The following ACVR1 variants were observed in gnomAD, a reference collection of about 807,000 sequenced individuals.
The protein encoded by ACVR1 is activin A receptor type 1, also known as activin receptor type-1.
Under a neutral mutation model 57.1 loss-of-function variants are expected in ACVR1, and 38 were observed. The observed-to-expected ratio is 0.67, with a 90% CI of 0.51 to 0.87. The LOEUF is 0.87. Among genes scored for constraint, ACVR1 ranks in the 40% least tolerant of loss-of-function variants. ACVR1 has a pLI of 0.00. For synonymous variants in ACVR1, 212 were observed against 228.1 expected, an observed-to-expected ratio of 0.93 and a Z score of 0.63; for missense variants, 463 against 638.2, an observed-to-expected ratio of 0.73 and a Z score of 2.96.
At chr2:157,855,269 AGTGTGTGTGTG>A (rs1689472013) in intron 1 of ACVR1, among the ~76,000 whole-genome samples, 3 of 85,184 alleles carry the variant, frequency 3.5e-5, no homozygotes, top group Non-Finnish European at 2.0e-5. Flanking sequence ...AAAAAAAAAA[AGTGTGTGTGTG>A]TGTGTGTGTG....
At chr2:157,824,437 C>T (rs939811837) in intron 1 of ACVR1, among the ~76,000 whole-genome samples, 1 of 152,168 alleles carries the variant, frequency 6.6e-6, no homozygotes, top group Non-Finnish European at 1.5e-5. Context: ...CACTGCACTC[C>T]AGCCTGGGCA....
intron 2 of ACVR1, among the ~76,000 whole-genome samples, chr2:157,816,993 T>C (rs1472387181): frequency 6.6e-6 from 1 of 152,158 alleles, no homozygotes; most frequent in Non-Finnish European, 1.5e-5. Context: ...AAGGTCTTGT[T>C]CTGTTGCCCA....
intron 9 of ACVR1, among the ~76,000 whole-genome samples, chr2:157,759,314 C>T (rs1025117163): frequency 7.2e-5 from 11 of 152,058 alleles, no homozygotes; most frequent in African/African-American, 2.6e-4. Flanking sequence ...GACATTACAG[C>T]TGATACCACA....
chr2:157,824,100 C>T (rs1389269155), intron 1 of ACVR1, among the ~76,000 whole-genome samples: 3 of 152,124 alleles, frequency 2.0e-5, no homozygotes, highest in African/African-American at 7.2e-5. Flanking sequence ...AGAGAAGTGA[C>T]GATTACCAGG....
chr2:157,832,558 C>A (rs926450761), intron 1 of ACVR1, among the ~76,000 whole-genome samples: 1 of 152,138 alleles, frequency 6.6e-6, no homozygotes, highest in African/African-American at 2.4e-5. Flanking sequence ...ACATAAATCT[C>A]TGGACTCTTT....
intron 1 of ACVR1, among the ~76,000 whole-genome samples, chr2:157,865,800 A>AG: frequency 6.8e-6 from 1 of 146,572 alleles, no homozygotes; most frequent in East Asian, 2.0e-4. Context: ...CATCTCAAAA[A>AG]AAAAAAAAAG....
At chr2:157,757,006 G>GATATATATATATTTGATATAT (rs1183819389) in intron 9 of ACVR1, among the ~76,000 whole-genome samples, 6 of 129,586 alleles carry the variant, frequency 4.6e-5, no homozygotes, top group African/African-American at 1.6e-4. Flanking sequence ...ATATATTTGA[G>GATATATATATATTTGATATAT]ATATATATAT....
At chr2:157,825,882 A>G (rs778741850) in intron 1 of ACVR1, among the ~76,000 whole-genome samples, 1 of 152,184 alleles carries the variant, frequency 6.6e-6, no homozygotes, top group Non-Finnish European at 1.5e-5. Context: ...CATTCCCCCA[A>G]CACACGACTC....
At chr2:157,759,265 G>A (rs1011923631) in intron 9 of ACVR1, among the ~76,000 whole-genome samples, 2 of 151,896 alleles carry the variant, frequency 1.3e-5, no homozygotes, top group Admixed American at 1.3e-4. Flanking sequence ...GAAACAAGGA[G>A]AGAAGACTCA....
intron 10 of ACVR1, 148 bp from the exon 11 acceptor site, chr2:157,737,813 T>C (rs1283329133): frequency 8.9e-7 from 1 of 1,126,472 alleles, no homozygotes; most frequent in Admixed American, 1.8e-5. Context: ...CAAGCAAATA[T>C]TCAACCTTTA....
intron 3 of ACVR1, among the ~76,000 whole-genome samples, chr2:157,785,351 G>C (rs544729243): frequency 1.3e-5 from 2 of 152,198 alleles, no homozygotes; most frequent in Non-Finnish European, 2.9e-5. Context: ...GCTTATATGA[G>C]GTTTATAGAT....
chr2:157,776,218 A>G (rs1319655488), intron 5 of ACVR1, among the ~76,000 whole-genome samples: 2 of 152,248 alleles, frequency 1.3e-5, no homozygotes, highest in African/African-American at 2.4e-5. Context: ...CTATTTTGGC[A>G]TATGCTCCAT....
At chr2:157,775,505 A>C (rs1230436999) in intron 5 of ACVR1, among the ~76,000 whole-genome samples, 9 of 152,218 alleles carry the variant, frequency 5.9e-5, no homozygotes, top group Non-Finnish European at 7.3e-5. Context: ...GATTTGTGTG[A>C]ATTTCATCTT....
In ACVR1 at chr2:157,780,528, T is replaced by C; in HGVS notation, c.140A>G (p.His47Arg). 2 of 1,613,856 alleles carry C rather than the reference T, an allele frequency of 1.2e-6. No homozygotes were observed. Among genetic ancestry groups the C allele is most frequent in the African/African-American group, 2.7e-5 (2 of 74,882 alleles). Residue 47 changes from histidine (H) to arginine (R), a missense_variant, in exon 4 of 11, where the codon CAC (histidine) becomes CGC (arginine). Around this residue, in one of 3 missense-constraint regions of ACVR1, gnomAD observed 203 missense variants for 235.5 expected, o/e 0.86. Coordinates refer to ENST00000434821, the MANE Select transcript of ACVR1 (RefSeq NM_001111067.4). ...GGAAAAGCACTGCTGGCCTTCACAG[T>C]GGTCCTCATTACCGCAGGAGAGACC... ...CEGLSCGNED[H>R]CEGQQCFSSL...
intron 2 of ACVR1, among the ~76,000 whole-genome samples, chr2:157,802,431 G>A (rs767537684): frequency 3.3e-5 from 5 of 152,094 alleles, no homozygotes; most frequent in African/African-American, 4.8e-5. Context: ...AGGTCAGAAC[G>A]GAGGTAAGGC....
chr2:157,802,876 G>A (rs1392765927), intron 2 of ACVR1, among the ~76,000 whole-genome samples: 1 of 152,058 alleles, frequency 6.6e-6, no homozygotes, highest in Non-Finnish European at 1.5e-5. Context: ...AGCCAAGTAG[G>A]TGCACATTTA....
chr2:157,788,862 C>T (rs1686809471), intron 3 of ACVR1, among the ~76,000 whole-genome samples: 1 of 152,010 alleles, frequency 6.6e-6, no homozygotes, highest in Non-Finnish European at 1.5e-5. Context: ...CTTCCCTATC[C>T]TCCAATTTCC....
At chr2:157,855,321 T>C (rs372891700) in intron 1 of ACVR1, among the ~76,000 whole-genome samples, 64,365 of 108,968 alleles carry the variant, frequency 0.59, 22,460 homozygotes, top group Non-Finnish European at 0.75. Flanking sequence ...TATATATATA[T>C]ATACACACAC....
In ACVR1 at chr2:157,737,630, G is replaced by T; in HGVS notation, c.1431C>A (p.Cys477Ter). 1 of 1,614,122 alleles carries T rather than the reference G, an allele frequency of 6.2e-7. No individual in the cohort carries two copies. Among genetic ancestry groups the T allele is most frequent in the Non-Finnish European group, 8.5e-7 (1 of 1,179,974 alleles). Residue 477 changes from cysteine (C) to a stop codon, truncating the protein, a stop_gained, in exon 11 of 11, where the codon TGC (cysteine) becomes TGA (stop). Transcript: ENST00000434821. LOFTEE classifies it high-confidence loss of function. ...LTSLAKLMKE[C>*]WYQNPSARLT... is the part of the protein sequence containing the mutation. The stretch of plus-strand genomic sequence containing the variant: ...GTCTTGCGGATGGATTTTGATACCA[G>T]CATTCTTTCATTAGCTTGGCCAGAG...
Sources: allele counts gnomAD v4.1 joint callset (sites outside exome capture counted in the v4.1 genomes callset), GRCh38; gene constraint gnomAD v4.1.1; regional missense constraint gnomAD v4.1.1; transcripts MANE v1.5; gene names NCBI Gene and HGNC (gene_info 2026-07-23, HGNC 2026-07-21).